The following RAPGEF2 variants were observed in gnomAD, a reference collection of about 807,000 sequenced individuals.
RAPGEF2 encodes the protein PDZ domain containing guanine nucleotide exchange factor (GEF) 1.
In RAPGEF2, 54 loss-of-function variants were observed where a neutral mutation model predicts 186.7. The ratio of observed to expected loss-of-function variants is 0.29; its 90% CI spans 0.23 to 0.36. RAPGEF2 has a LOEUF of 0.36. RAPGEF2 is among the 10% of genes least tolerant of loss of function. RAPGEF2 has a pLI of 1.00. For missense variants in RAPGEF2, 1,532 were observed against 2,045.0 expected, an observed-to-expected ratio of 0.75 and a Z score of 4.84; for synonymous variants, 712 against 705.9, an observed-to-expected ratio of 1.01 and a Z score of -0.14.
chr4:159,111,552 T>C (rs1190250719), intron 1 of RAPGEF2, among the ~76,000 whole-genome samples: 1 of 152,174 alleles, frequency 6.6e-6, no homozygotes, highest in African/African-American at 2.4e-5. Context: ...AGAAGAAAGG[T>C]AGAGAACACT....
intron 1 of RAPGEF2, among the ~76,000 whole-genome samples, chr4:159,176,221 G>C (rs1210943449): frequency 6.6e-6 from 1 of 152,158 alleles, no homozygotes. Flanking sequence ...TGGTGTTTGG[G>C]TTTCATTCCA....
chr4:159,137,172 C>T (rs1295710014), intron 1 of RAPGEF2, among the ~76,000 whole-genome samples: 1 of 152,142 alleles, frequency 6.6e-6, no homozygotes, highest in African/African-American at 2.4e-5. Context: ...ATTTGGGCTG[C>T]CATAACCAAA....
intron 7 of RAPGEF2, among the ~76,000 whole-genome samples, chr4:159,301,660 A>G (rs1289644695): frequency 6.6e-6 from 1 of 152,142 alleles, no homozygotes; most frequent in African/African-American, 2.4e-5. Flanking sequence ...TTTGAGACCA[A>G]CCTGGGCAAC....
chr4:159,263,388 T>C (rs571023463), intron 7 of RAPGEF2, among the ~76,000 whole-genome samples: 1 of 152,298 alleles, frequency 6.6e-6, no homozygotes, highest in East Asian at 1.9e-4. Context: ...CATTTTAAAA[T>C]GACATTTTTG....
chr4:159,337,889 C>CAAAAAAAAAAAAAA lies in RAPGEF2; in HGVS notation c.2136-411_2136-398dup, dbSNP rs553291521. 4.9e-3 allele frequency among the ~76,000 whole-genome samples: 158 copies of CAAAAAAAAAAAAAA among 32,560 alleles called. 10 individuals are homozygous for CAAAAAAAAAAAAAA. The highest frequency in any genetic ancestry group is 9.8e-3 in the Non-Finnish European group (115 of 11,758). The allele number at this position is 32,560 out of a possible 152,430, so 21.4% of individuals were successfully genotyped here. A position where few individuals can be genotyped will look rare whatever the true frequency, so the allele number is the denominator to read the frequency against. On this transcript the variant is annotated intron_variant, in intron 17 of 29. Transcript: ENST00000691494. ...TGGGTGACAGAGTGAGACTCCATCT[C>CAAAAAAAAAAAAAA]AAAAAAAAAAAAAAAAAAAAAAAAG...
chr4:159,173,160 A>C (rs1218674484), intron 1 of RAPGEF2, among the ~76,000 whole-genome samples: 4 of 152,236 alleles, frequency 2.6e-5, no homozygotes, highest in Non-Finnish European at 5.9e-5. Flanking sequence ...AACATTCAAG[A>C]TGGGAAAAAC....
chr4:159,223,268 C>A (rs1211294942), intron 4 of RAPGEF2, among the ~76,000 whole-genome samples: 1 of 151,962 alleles, frequency 6.6e-6, no homozygotes, highest in East Asian at 1.9e-4. Context: ...TTTCTGCTAT[C>A]TAGTGTTCGT....
chr4:159,137,397 C>G (rs1741831761), intron 1 of RAPGEF2, among the ~76,000 whole-genome samples: 1 of 152,130 alleles, frequency 6.6e-6, no homozygotes, highest in Non-Finnish European at 1.5e-5. Context: ...AGCAGGTGCT[C>G]TGTGTCTCTC....
intron 1 of RAPGEF2, among the ~76,000 whole-genome samples, chr4:159,120,554 A>G (rs542693665): frequency 6.6e-6 from 1 of 152,344 alleles, no homozygotes; most frequent in Non-Finnish European, 1.5e-5. Flanking sequence ...AGCATTCAAG[A>G]TTTATATACA....
Position 159,267,411 on chromosome 4 carries a change from C to G in RAPGEF2, c.543+23620C>G. On this transcript the variant is annotated intron_variant, in intron 7 of 29. Coordinates refer to ENST00000691494, the MANE Select transcript of RAPGEF2 (RefSeq NM_001394067.2). ...TGTGTTTCTGTTAGTGGCTCTCTTG[C>G]TAGCAGGCATGCTTGTGTTGAGTGT... is the stretch of plus-strand genomic sequence containing the variant. The G allele has an allele frequency of 1.2e-5, 12 of 1,009,148 alleles. No homozygotes were observed. The South Asian group carries it at 1.5e-4, about 12-fold the overall frequency. The allele number at this position is 1,009,148 out of a possible 1,614,324, so 62.5% of individuals were successfully genotyped here.
chr4:159,123,019 TTTCTC>T (rs1439921154), intron 1 of RAPGEF2, among the ~76,000 whole-genome samples: 6 of 145,212 alleles, frequency 4.1e-5, no homozygotes, highest in Non-Finnish European at 6.1e-5. Context: ...GTAAATGTAT[TTTCTC>T]TTCCTTATGA....
At chr4:159,162,601 A>G (rs533150034) in intron 1 of RAPGEF2, among the ~76,000 whole-genome samples, 3 of 152,278 alleles carry the variant, frequency 2.0e-5, no homozygotes, top group Admixed American at 6.5e-5. Context: ...CCAGCTATCA[A>G]AATAGAACCT....
intron 4 of RAPGEF2, among the ~76,000 whole-genome samples, chr4:159,212,463 C>A (rs78477315): frequency 0.063 from 9,612 of 152,130 alleles, 432 homozygotes; most frequent in South Asian, 0.13. Context: ...CGGAGATAAT[C>A]ATTCTTTAAT....
intron 1 of RAPGEF2, among the ~76,000 whole-genome samples, chr4:159,160,047 T>A (rs529728998): frequency 4.6e-5 from 7 of 152,354 alleles, no homozygotes; most frequent in Admixed American, 1.3e-4. Flanking sequence ...AATTGGACAC[T>A]TACATAGTTG....
chr4:159,280,337 G>C (rs192752984), intron 7 of RAPGEF2, among the ~76,000 whole-genome samples: 2 of 152,302 alleles, frequency 1.3e-5, no homozygotes, highest in Admixed American at 6.5e-5. Flanking sequence ...ATAATAATTA[G>C]ACCTTTTAGA....
At chr4:159,330,721 C>A in intron 13 of RAPGEF2, 1 of 449,388 alleles carries the variant, frequency 2.2e-6, no homozygotes, top group Non-Finnish European at 3.9e-6. Flanking sequence ...TCTTTAAACA[C>A]AAAGGCCAAT....
chr4:159,330,704 T>G (rs1294994074), intron 13 of RAPGEF2: 1 of 480,738 alleles, frequency 2.1e-6, no homozygotes, highest in Non-Finnish European at 3.6e-6. Context: ...AAATATTAGT[T>G]CAGCCTTCTT....
chr4:159,280,277 TATAA>T (rs1759515162), intron 7 of RAPGEF2, among the ~76,000 whole-genome samples: 1 of 152,202 alleles, frequency 6.6e-6, no homozygotes, highest in Non-Finnish European at 1.5e-5. Context: ...TTAAAATACA[TATAA>T]ATAAATAATA....
At chr4:159,267,701 G>A in intron 7 of RAPGEF2, 5 of 972,894 alleles carry the variant, frequency 5.1e-6, no homozygotes, top group Non-Finnish European at 6.2e-6. Context: ...GAATGCTAGA[G>A]CCTGGTTCTT....
Sources: allele counts gnomAD v4.1 joint callset (sites outside exome capture counted in the v4.1 genomes callset), GRCh38; gene constraint gnomAD v4.1.1; transcripts MANE v1.5; gene names NCBI Gene and HGNC (gene_info 2026-07-23, HGNC 2026-07-21).